CEP164: variants seen among roughly 807,000 people sequenced by gnomAD.
CEP164 encodes centrosomal protein of 164 kDa.
In CEP164, 162 loss-of-function variants were observed where a neutral mutation model predicts 182.7. That is an observed-to-expected ratio of 0.89 (90% CI 0.78 to 1.01). The LOEUF (loss-of-function observed/expected upper bound fraction) is 1.01, where lower values mean the gene tolerates loss of function less well. Among genes scored for constraint, CEP164 ranks in the 50% least tolerant of loss-of-function variants. The pLI is 0.00. For synonymous variants in CEP164, 661 were observed against 690.0 expected (o/e 0.96, Z 0.66); for missense variants, 1,735 against 1,790.4 (o/e 0.97, Z 0.56).
chr11:117,390,648 A>G, intron 15 of CEP164, 129 bp from the exon 16 acceptor site: 1 of 1,295,858 alleles, frequency 7.7e-7, no homozygotes. Flanking sequence ...AAAAGAAAAA[A>G]AAAAAAAAAG....
In CEP164 at chr11:117,396,567, GTCT is replaced by G. The variant is rs771491183; in HGVS notation, c.3241_3243del (p.Ser1081del). 7.4e-6 allele frequency: 12 copies of G among 1,613,804 alleles called. No homozygotes were observed. The highest frequency in any genetic ancestry group is 4.0e-5 in the African/African-American group (3 of 75,012). Reference sequence around the variant, plus strand: ...GTCCCTAGAACCAGACCAAAGAGGTGTCTTCTTCTCTCTCCCAGAGCAAGGAGG... The same window carrying G: ...GTCCCTAGAACCAGACCAAAGAGGTGTCTTCTCTCTCCCAGAGCAAGGAGG... On this transcript the variant is annotated inframe_deletion, in exon 26 of 33. Coordinates refer to ENST00000278935, the MANE Select transcript of CEP164 (RefSeq NM_014956.5).
chr11:117,330,584 G>A (rs190659085), intron 1 of CEP164, among the ~76,000 whole-genome samples: 82 of 152,316 alleles, frequency 5.4e-4, no homozygotes, highest in Middle Eastern at 3.4e-3. Flanking sequence ...GGGAGGCAGA[G>A]GCTGCAGTGA....
At chr11:117,336,279 T>A in intron 2 of CEP164, 1 of 1,553,546 alleles carries the variant, frequency 6.4e-7, no homozygotes, top group African/African-American at 1.4e-5. Flanking sequence ...TGTGCATCTT[T>A]TTATGAGCTT....
rs1439711625 is a variant in CEP164 at position 117,412,563 on chromosome 11, G to C, written c.*395G>C. On this transcript the variant is annotated 3_prime_UTR_variant, in exon 33 of 33. Coordinates refer to ENST00000278935, the MANE Select transcript of CEP164 (RefSeq NM_014956.5). The stretch of plus-strand genomic sequence containing the variant: ...TGCTCGGGGCTCCCAAGGAGGTTGT[G>C]TGTATGGTTCTTAATTCATCAGGAC... 5.5e-6 allele frequency: 1 copy of C among 183,272 alleles called. No individual in the cohort carries two copies. The highest frequency in any genetic ancestry group is 1.2e-5 in the Non-Finnish European group (1 of 85,586). The allele number at this position is 183,272 out of a possible 1,614,324, so 11.4% of individuals were successfully genotyped here.
intron 2 of CEP164, among the ~76,000 whole-genome samples, chr11:117,336,067 A>G (rs1331296978): frequency 6.6e-6 from 1 of 150,880 alleles, no homozygotes; most frequent in Non-Finnish European, 1.5e-5. Flanking sequence ...AGGGCTCAAC[A>G]GCAGGGTGAG....
intron 3 of CEP164, among the ~76,000 whole-genome samples, chr11:117,343,526 T>C (rs1343723288): frequency 1.3e-5 from 2 of 152,196 alleles, no homozygotes; most frequent in African/African-American, 4.8e-5. Context: ...TACTACCTTC[T>C]GGTAAGGCTG....
Position 117,411,147 on chromosome 11 carries a change from G to A in CEP164, c.4163+253G>A, listed in dbSNP as rs1057095303. ...TGGGCTTACCCTGCCAACCCCCTGAGGAAGCTGCCCTCTGGCCCCTGTGGG... is the reference window on the plus strand; with the variant it reads ...TGGGCTTACCCTGCCAACCCCCTGAAGAAGCTGCCCTCTGGCCCCTGTGGG... On this transcript the variant is annotated intron_variant, in intron 31 of 32. Transcript: ENST00000278935. The surrounding 1 kb of genome is among the most constrained non-coding windows in gnomAD (Gnocchi z 4.4). 7 of 468,140 alleles carry A rather than the reference G, an allele frequency of 1.5e-5. No homozygotes were observed. Among genetic ancestry groups the A allele is most frequent in the Non-Finnish European group, 2.7e-5 (7 of 255,030 alleles). The allele number at this position is 468,140 out of a possible 1,614,324, so 29.0% of individuals were successfully genotyped here.
At chr11:117,397,355 A>T in intron 27 of CEP164, 42 bp downstream of exon 27, 3 of 1,565,074 alleles carry the variant, frequency 1.9e-6, no homozygotes, top group Non-Finnish European at 2.6e-6. Context: ...TGTGTGGGGG[A>T]GGCGGGGGGA....
intron 27 of CEP164, among the ~76,000 whole-genome samples, chr11:117,403,563 CTT>C (rs2046369387): frequency 6.6e-6 from 1 of 152,180 alleles, no homozygotes; most frequent in Non-Finnish European, 1.5e-5. Context: ...GTAACCCGAC[CTT>C]TCTCTCTGGC....
chr11:117,400,890 A>C (rs958559872), intron 27 of CEP164, among the ~76,000 whole-genome samples: 8 of 152,198 alleles, frequency 5.3e-5, no homozygotes, highest in African/African-American at 1.9e-4. Context: ...TTTGGGGTTG[A>C]GATGATGGGG....
intron 1 of CEP164, among the ~76,000 whole-genome samples, chr11:117,333,044 G>T (rs1447950513): frequency 6.6e-6 from 1 of 152,084 alleles, no homozygotes; most frequent in Non-Finnish European, 1.5e-5. Flanking sequence ...GACAGGTCTT[G>T]CCCTGTCACC....
intron 4 of CEP164, among the ~76,000 whole-genome samples, chr11:117,347,063 A>G (rs1332281350): frequency 6.6e-6 from 1 of 151,934 alleles, no homozygotes; most frequent in East Asian, 1.9e-4. Context: ...TATTATATAC[A>G]CTGTTCTTCT....
intron 23 of CEP164, 97 bp from the exon 24 acceptor site, chr11:117,395,450 C>T (rs1239643697): frequency 7.4e-7 from 1 of 1,342,340 alleles, no homozygotes; most frequent in Non-Finnish European, 1.0e-6. Flanking sequence ...CATTCCCAGC[C>T]TGTCCTCCTT....
At chr11:117,399,350 A>G (rs1368530725) in intron 27 of CEP164, among the ~76,000 whole-genome samples, 1 of 152,168 alleles carries the variant, frequency 6.6e-6, no homozygotes, top group Admixed American at 6.5e-5. Context: ...TCCATGGTGT[A>G]TATGTGCCAC....
At chr11:117,410,320 G>C (rs1013415168) in intron 30 of CEP164, 6 of 397,466 alleles carry the variant, frequency 1.5e-5, no homozygotes, top group Non-Finnish European at 2.8e-5. Flanking sequence ...TACATGATGG[G>C]CCAAGCAGTT....
intron 3 of CEP164, among the ~76,000 whole-genome samples, chr11:117,339,515 GTTTTTTGTTTTTTTTTT>G (rs908839135): frequency 3.3e-5 from 3 of 90,870 alleles, no homozygotes; most frequent in African/African-American, 1.3e-4. Context: ...CTTTTCCTTT[GTTTTTTGTTTTTTTTTT>G]TTTTTTTTTT....
intron 27 of CEP164, among the ~76,000 whole-genome samples, chr11:117,404,824 G>C (rs1452667993): frequency 3.3e-5 from 5 of 152,228 alleles, no homozygotes; most frequent in Non-Finnish European, 5.9e-5. Context: ...GACTGGGGCT[G>C]CTGCCTTTCT....
chr11:117,340,626 G>T (rs369757800), intron 3 of CEP164, among the ~76,000 whole-genome samples: 1 of 152,032 alleles, frequency 6.6e-6, no homozygotes. Context: ...CCTTGAACTC[G>T]TGGGCTCAGG....
chr11:117,377,214 A>G (rs914943049), intron 11 of CEP164, among the ~76,000 whole-genome samples: 1 of 152,122 alleles, frequency 6.6e-6, no homozygotes, highest in African/African-American at 2.4e-5. Flanking sequence ...TGGGGGCATT[A>G]GATTCTCATG....
Sources: allele counts gnomAD v4.1 joint callset (sites outside exome capture counted in the v4.1 genomes callset), GRCh38; gene constraint gnomAD v4.1.1; non-coding constraint Gnocchi (gnomAD v3.1); transcripts MANE v1.5; gene names NCBI Gene and HGNC (gene_info 2026-07-23, HGNC 2026-07-21).